The following CDH18 variants were observed in gnomAD, a reference collection of about 807,000 sequenced individuals.
The protein encoded by CDH18 is cadherin 18, also known as cadherin-18.
CDH18 carries 31 observed loss-of-function variants against 67.9 expected under a neutral mutation model. The ratio of observed to expected loss-of-function variants is 0.46; its 90% CI spans 0.34 to 0.62. The LOEUF is 0.62. CDH18 is among the 20% of genes least tolerant of loss of function. The pLI, the probability that CDH18 is intolerant of heterozygous loss-of-function variation, is 0.01. For synonymous variants in CDH18, 362 were observed against 347.2 expected, an observed-to-expected ratio of 1.04 and a Z score of -0.48; for missense variants, 890 against 975.5, an observed-to-expected ratio of 0.91 and a Z score of 1.17.
chr5:19,473,802 CCATTCGT>C, intron 12 of CDH18, 86 bp from the exon 13 acceptor site: 1 of 1,172,498 alleles, frequency 8.5e-7, no homozygotes, highest in Non-Finnish European at 1.2e-6. Context: ...TCCCATTTTC[CCATTCGT>C]CATTAACCAC....
chr5:19,649,771 T>C (rs1453700365), intron 5 of CDH18, among the ~76,000 whole-genome samples: 1 of 152,012 alleles, frequency 6.6e-6, no homozygotes, highest in African/African-American at 2.4e-5. Flanking sequence ...AAGTCCAACA[T>C]TAAATGGCTA....
At chr5:19,832,101 G>A (rs182724803) in intron 3 of CDH18, among the ~76,000 whole-genome samples, 5 of 152,074 alleles carry the variant, frequency 3.3e-5, no homozygotes, top group African/African-American at 2.4e-5. Flanking sequence ...GGGACTACAA[G>A]CGGGGGTGAA....
intron 2 of CDH18, among the ~76,000 whole-genome samples, chr5:19,852,231 T>C (rs992300525): frequency 2.0e-5 from 3 of 152,040 alleles, no homozygotes; most frequent in Non-Finnish European, 4.4e-5. Flanking sequence ...AGTTGACTGG[T>C]GTTACCTAAG....
chr5:19,742,756 T>TCTCA (rs899772994), intron 4 of CDH18, among the ~76,000 whole-genome samples: 6 of 151,928 alleles, frequency 3.9e-5, no homozygotes, highest in African/African-American at 1.2e-4. Context: ...TCTCTCTCTC[T>TCTCA]CACTCAAGAA....
chr5:20,167,654 CT>C (rs1217563980), intron 2 of CDH18, among the ~76,000 whole-genome samples: 1 of 152,072 alleles, frequency 6.6e-6, no homozygotes, highest in East Asian at 1.9e-4. Context: ...TTACAAAGGA[CT>C]TTTTACAAAG....
intron 1 of CDH18, among the ~76,000 whole-genome samples, chr5:20,499,434 T>C (rs1287859683): frequency 6.6e-6 from 1 of 152,104 alleles, no homozygotes; most frequent in Non-Finnish European, 1.5e-5. Flanking sequence ...CAAGGTTGAT[T>C]GAATCTGCAG....
intron 2 of CDH18, among the ~76,000 whole-genome samples, chr5:20,072,318 A>G (rs1443939069): frequency 6.6e-6 from 1 of 152,086 alleles, no homozygotes; most frequent in African/African-American, 2.4e-5. Context: ...CAACTAAAAG[A>G]GGATTATTCC....
intron 1 of CDH18, among the ~76,000 whole-genome samples, chr5:20,412,439 G>A (rs573787431): frequency 5.3e-5 from 8 of 152,304 alleles, no homozygotes; most frequent in East Asian, 1.9e-4. Context: ...CTGGACATTG[G>A]CATAGGCAAA....
At chr5:19,631,298 G>A (rs966896221) in intron 5 of CDH18, among the ~76,000 whole-genome samples, 3 of 152,132 alleles carry the variant, frequency 2.0e-5, no homozygotes, top group African/African-American at 7.2e-5. Context: ...AATGGAAGCA[G>A]TGGCACAATA....
chr5:19,621,886 T>C (rs1378289669), intron 5 of CDH18, among the ~76,000 whole-genome samples: 1 of 152,214 alleles, frequency 6.6e-6, no homozygotes, highest in African/African-American at 2.4e-5. Context: ...AGTAACTATA[T>C]ATTGAATGGG....
intron 6 of CDH18, among the ~76,000 whole-genome samples, chr5:19,592,443 A>G (rs1192715843): frequency 6.6e-6 from 1 of 152,096 alleles, no homozygotes; most frequent in Non-Finnish European, 1.5e-5. Context: ...CATTATAAAT[A>G]ACAGAAGCCC....
At chr5:20,400,323 C>A (rs1205551164) in intron 1 of CDH18, among the ~76,000 whole-genome samples, 2 of 151,802 alleles carry the variant, frequency 1.3e-5, no homozygotes, top group Non-Finnish European at 2.9e-5. Context: ...ACTAAAAATA[C>A]AAAAATTACC....
chr5:20,305,205 C>T (rs1736314913), intron 1 of CDH18: 2 of 1,398,428 alleles, frequency 1.4e-6, no homozygotes, highest in Admixed American at 3.3e-5. Context: ...CTTCCAAAGG[C>T]TTCCCTCCAG....
intron 1 of CDH18, among the ~76,000 whole-genome samples, chr5:20,435,637 C>A (rs1273804724): frequency 6.6e-6 from 1 of 151,912 alleles, no homozygotes; most frequent in Admixed American, 6.6e-5. Flanking sequence ...GTAACAACAC[C>A]AGCTTCTACA....
intron 2 of CDH18, among the ~76,000 whole-genome samples, chr5:19,883,576 CT>C (rs1787892069): frequency 1.3e-5 from 2 of 151,666 alleles, no homozygotes; most frequent in South Asian, 2.1e-4. Context: ...GTGAGTTTCT[CT>C]TTTATATTTG....
At chr5:20,573,388 A>G (rs371476050) in intron 1 of CDH18, among the ~76,000 whole-genome samples, 1 of 151,998 alleles carries the variant, frequency 6.6e-6, no homozygotes, top group South Asian at 2.1e-4. Flanking sequence ...ATAGCCCATA[A>G]ATAAGTACCA....
At chr5:19,997,665 C>G (rs952417259) in intron 2 of CDH18, among the ~76,000 whole-genome samples, 20 of 152,142 alleles carry the variant, frequency 1.3e-4, no homozygotes, top group Non-Finnish European at 5.9e-5. Flanking sequence ...TCTATCCCAG[C>G]ATTTGCTTCA....
At chr5:20,364,556 G>A (rs946067368) in intron 1 of CDH18, among the ~76,000 whole-genome samples, 1 of 152,032 alleles carries the variant, frequency 6.6e-6, no homozygotes, top group Non-Finnish European at 1.5e-5. Context: ...TAAATTAAAT[G>A]CCTGAATTCA....
At chr5:20,413,925 C>T (rs907367975) in intron 1 of CDH18, among the ~76,000 whole-genome samples, 6 of 152,060 alleles carry the variant, frequency 3.9e-5, no homozygotes, top group Non-Finnish European at 8.8e-5. Flanking sequence ...AGGTTTTCTT[C>T]TCGGGTTTTT....
Sources: gnomAD v4.1 joint callset for allele counts (sites outside exome capture counted in the v4.1 genomes callset) on GRCh38, gnomAD v4.1.1 for gene constraint, MANE v1.5 for transcripts, NCBI Gene and HGNC (gene_info 2026-07-23, HGNC 2026-07-21) for gene names.